CSTPP1: variants seen among roughly 807,000 people sequenced by gnomAD.
CSTPP1 encodes centriolar satellite-associated tubulin polyglutamylase complex regulator 1, also known as UPF0705 protein C11orf49.
At chr11:47,098,320 A>T in the CSTPP1 span, among the ~76,000 whole-genome samples, 4 of 149,156 alleles carry the variant, frequency 2.7e-5, no homozygotes, top group African/African-American at 9.9e-5. Context: ...ATAAATTTAA[A>T]AAAAAAATAA....
chr11:47,146,208 C>A, the CSTPP1 span, among the ~76,000 whole-genome samples: 1 of 151,714 alleles, frequency 6.6e-6, no homozygotes, highest in Non-Finnish European at 1.5e-5. Context: ...ACTAAAAATA[C>A]AAAAAAATTA....
chr11:46,946,350 G>A, the CSTPP1 span, among the ~76,000 whole-genome samples: 2 of 152,306 alleles, frequency 1.3e-5, no homozygotes, highest in Admixed American at 6.5e-5. Flanking sequence ...TAGATAAATT[G>A]AAGTTTTAAA....
At chr11:47,006,026 A>G in the CSTPP1 span, among the ~76,000 whole-genome samples, 1 of 152,142 alleles carries the variant, frequency 6.6e-6, no homozygotes, top group Non-Finnish European at 1.5e-5. Context: ...AATTGTTTTC[A>G]TTTTACCTTT....
At chr11:47,018,404 C>T in the CSTPP1 span, among the ~76,000 whole-genome samples, 11 of 148,372 alleles carry the variant, frequency 7.4e-5, no homozygotes, top group Non-Finnish European at 1.5e-4. Context: ...AAGTGATTCT[C>T]CTGCATCAGC....
chr11:47,079,743 A>G, the CSTPP1 span, among the ~76,000 whole-genome samples: 4 of 152,164 alleles, frequency 2.6e-5, no homozygotes, highest in Admixed American at 2.6e-4. Context: ...TATTTCTTAT[A>G]TATCTCATAT....
the CSTPP1 span, among the ~76,000 whole-genome samples, chr11:47,112,838 TTA>T: frequency 6.6e-6 from 1 of 152,140 alleles, no homozygotes; most frequent in African/African-American, 2.4e-5. Context: ...CCCATTTTGT[TTA>T]TTTATTTATT....
chr11:47,163,701 G>T, the CSTPP1 span, among the ~76,000 whole-genome samples: 1 of 152,124 alleles, frequency 6.6e-6, no homozygotes, highest in Non-Finnish European at 1.5e-5. Context: ...GGGGTGCAGT[G>T]GCGCGATCTA....
chr11:47,157,217 A>G, the CSTPP1 span: 8 of 1,571,876 alleles, frequency 5.1e-6, 1 homozygote, highest in South Asian at 9.5e-5. Flanking sequence ...GCACAAGTAC[A>G]GGTGAGGAAC....
At chr11:46,941,890 T>G in the CSTPP1 span, among the ~76,000 whole-genome samples, 1 of 152,184 alleles carries the variant, frequency 6.6e-6, no homozygotes. Flanking sequence ...CCTTGGTTAG[T>G]GTATCTGGAG....
chr11:46,976,130 A>G, the CSTPP1 span, among the ~76,000 whole-genome samples: 1 of 152,218 alleles, frequency 6.6e-6, no homozygotes, highest in Non-Finnish European at 1.5e-5. Context: ...CATGTAGGCA[A>G]TGAACCCTCA....
At chr11:47,162,196 T>TAATA in the CSTPP1 span, 1 of 985,568 alleles carries the variant, frequency 1.0e-6, no homozygotes, top group Non-Finnish European at 1.2e-6. Flanking sequence ...CCTTTGTGTC[T>TAATA]AATAGCTAAA....
the CSTPP1 span, chr11:47,160,406 G>A: frequency 6.6e-6 from 1 of 152,112 alleles, no homozygotes; most frequent in African/African-American, 2.4e-5. Flanking sequence ...GTGGTCTCAG[G>A]CCTCACCTGC....
chr11:47,144,708 C>T, the CSTPP1 span, among the ~76,000 whole-genome samples: 22 of 152,092 alleles, frequency 1.4e-4, no homozygotes, highest in Non-Finnish European at 2.5e-4. Context: ...GCCAAGGGGA[C>T]CATCACATCT....
At chr11:47,042,666 A>G in the CSTPP1 span, among the ~76,000 whole-genome samples, 1 of 152,190 alleles carries the variant, frequency 6.6e-6, no homozygotes, top group Non-Finnish European at 1.5e-5. Flanking sequence ...AGAATAAAAA[A>G]AATTGCTCAA....
chr11:47,041,791 G>T, the CSTPP1 span: 1 of 503,018 alleles, frequency 2.0e-6, no homozygotes, highest in Admixed American at 2.7e-5. Context: ...TAGGTCTGTG[G>T]AGATGATCAG....
chr11:46,982,005 T>C, the CSTPP1 span, among the ~76,000 whole-genome samples: 1 of 152,110 alleles, frequency 6.6e-6, no homozygotes, highest in South Asian at 2.1e-4. Context: ...ACCATTAAGC[T>C]ATCTATTTGT....
At chr11:47,080,838 GTC>G in the CSTPP1 span, among the ~76,000 whole-genome samples, 1 of 151,876 alleles carries the variant, frequency 6.6e-6, no homozygotes, top group African/African-American at 2.4e-5. Context: ...GTGAAACTCT[GTC>G]TCTACAAAAA....
At chr11:47,124,980 CA>C in the CSTPP1 span, among the ~76,000 whole-genome samples, 133 of 152,242 alleles carry the variant, frequency 8.7e-4, no homozygotes, top group East Asian at 0.023. Flanking sequence ...ACCAGGAAAC[CA>C]TACTTTGAAA....
chr11:47,064,352 T>C, the CSTPP1 span, among the ~76,000 whole-genome samples: 813 of 152,304 alleles, frequency 5.3e-3, 4 homozygotes, highest in Non-Finnish European at 9.7e-3. Context: ...TTTTCTTTTG[T>C]CCTCTGTGTT....
Sources: allele counts gnomAD v4.1 joint callset (sites outside exome capture counted in the v4.1 genomes callset), GRCh38; gene constraint gnomAD v4.1.1; transcripts MANE v1.5; gene names NCBI Gene and HGNC (gene_info 2026-07-23, HGNC 2026-07-21).